PDE4D: variants seen among roughly 807,000 people sequenced by gnomAD.
The protein encoded by PDE4D is phosphodiesterase 4D.
PDE4D carries 24 observed loss-of-function variants against 87.4 expected under a neutral mutation model. The ratio of observed to expected loss-of-function variants is 0.27; its 90% confidence interval spans 0.20 to 0.39. PDE4D has a LOEUF of 0.39. Ranked by LOEUF, PDE4D falls within the 10% of genes least tolerant of loss-of-function variation. The pLI is 1.00. For synonymous variants in PDE4D, 384 were observed against 383.2 expected (o/e 1.00, Z -0.02); for missense variants, 714 against 1,041.0 (o/e 0.69, Z 4.32).
intron 1 of PDE4D, among the ~76,000 whole-genome samples, chr5:59,498,291 A>G (rs1373278911): frequency 1.3e-5 from 2 of 151,284 alleles, no homozygotes; most frequent in African/African-American, 2.4e-5. Flanking sequence ...CAACCAGATA[A>G]TAACACTATG....
At chr5:59,455,276 A>G (rs974426089) in intron 1 of PDE4D, among the ~76,000 whole-genome samples, 1 of 152,174 alleles carries the variant, frequency 6.6e-6, no homozygotes, top group Non-Finnish European at 1.5e-5. Flanking sequence ...GCCCAGGGTC[A>G]CCATGCTGTG....
intron 6 of PDE4D, among the ~76,000 whole-genome samples, chr5:59,036,338 A>C (rs1361985765): frequency 6.6e-6 from 1 of 152,238 alleles, no homozygotes; most frequent in Non-Finnish European, 1.5e-5. Flanking sequence ...AGGCTAAAGG[A>C]GAATAAACTG....
chr5:59,657,020 T>G (rs1387399120), intron 1 of PDE4D, among the ~76,000 whole-genome samples: 1 of 152,124 alleles, frequency 6.6e-6, no homozygotes, highest in African/African-American at 2.4e-5. Context: ...ATACACCACA[T>G]AAAATATGAG....
At chr5:59,161,162 G>A (rs1781042444) in intron 5 of PDE4D, among the ~76,000 whole-genome samples, 1 of 149,594 alleles carries the variant, frequency 6.7e-6, no homozygotes, top group African/African-American at 2.5e-5. Context: ...ATCTGAGACA[G>A]GTCTCAATCA....
intron 1 of PDE4D, among the ~76,000 whole-genome samples, chr5:59,257,213 T>G (rs1182656732): frequency 6.6e-6 from 1 of 152,024 alleles, no homozygotes; most frequent in Non-Finnish European, 1.5e-5. Flanking sequence ...ATGAGGAAAA[T>G]GATCGTGGCA....
intron 1 of PDE4D, among the ~76,000 whole-genome samples, chr5:60,419,317 A>G (rs1270038757): frequency 6.6e-6 from 1 of 152,174 alleles, no homozygotes; most frequent in Non-Finnish European, 1.5e-5. Flanking sequence ...AATTCTTTAT[A>G]TATTAATATG....
At chr5:59,794,429 G>A (rs1050305294) in intron 1 of PDE4D, among the ~76,000 whole-genome samples, 11 of 152,116 alleles carry the variant, frequency 7.2e-5, no homozygotes, top group Admixed American at 5.2e-4. Flanking sequence ...CTGGCACAGT[G>A]AGGCACGACA....
At chr5:60,223,075 T>G (rs1490354278) in intron 1 of PDE4D, among the ~76,000 whole-genome samples, 1 of 152,118 alleles carries the variant, frequency 6.6e-6, no homozygotes, top group East Asian at 1.9e-4. Flanking sequence ...GGATCCTTCT[T>G]GTTAAGTGTG....
chr5:60,504,382 T>A (rs547782641), intron 1 of PDE4D, among the ~76,000 whole-genome samples: 1 of 152,140 alleles, frequency 6.6e-6, no homozygotes, highest in Admixed American at 6.6e-5. Flanking sequence ...GCATGACATG[T>A]GAAAGGCAAC....
chr5:59,484,083 C>A (rs1476930711), intron 1 of PDE4D, among the ~76,000 whole-genome samples: 1 of 152,140 alleles, frequency 6.6e-6, no homozygotes, highest in Non-Finnish European at 1.5e-5. Flanking sequence ...AGGGCTGACT[C>A]CCAGCTCCTC....
intron 1 of PDE4D, among the ~76,000 whole-genome samples, chr5:59,845,151 T>G (rs978091265): frequency 1.3e-5 from 2 of 152,090 alleles, no homozygotes; most frequent in South Asian, 2.1e-4. Context: ...AAACACCTGA[T>G]GTCAGCCTCT....
At chr5:60,265,075 T>C (rs144014607) in intron 1 of PDE4D, among the ~76,000 whole-genome samples, 1 of 152,318 alleles carries the variant, frequency 6.6e-6, no homozygotes, top group Non-Finnish European at 1.5e-5. Context: ...AAAAGCTGAA[T>C]GCAGTGTCTT....
intron 1 of PDE4D, among the ~76,000 whole-genome samples, chr5:60,305,026 A>C (rs1428895937): frequency 7.0e-6 from 1 of 143,738 alleles, no homozygotes; most frequent in Admixed American, 7.0e-5. Context: ...TAGTTATTTT[A>C]GTTTTGAGCT....
At chr5:59,360,899 G>A (rs1782103498) in intron 1 of PDE4D, among the ~76,000 whole-genome samples, 1 of 152,028 alleles carries the variant, frequency 6.6e-6, no homozygotes, top group Non-Finnish European at 1.5e-5. Flanking sequence ...TATGACCCAG[G>A]ACACAAACAG....
Position 59,630,914 on chromosome 5 carries a change from G to A in PDE4D, c.455+262254C>T, listed in dbSNP as rs1482770682. The stretch of plus-strand genomic sequence containing the variant: ...GGCTGAGTCACTTAATATTCCTGAC[G>A]CTCGGTTTTTTTTCCCTAGAAAATG... On this transcript the variant is annotated intron_variant, in intron 1 of 14. Coordinates refer to ENST00000340635, the MANE Select transcript of PDE4D (RefSeq NM_001104631.2). 3.9e-5 allele frequency among the ~76,000 whole-genome samples: 6 copies of A among 151,928 alleles called. No homozygotes were observed. The East Asian group carries it at 5.8e-4, about 15-fold the overall frequency.
chr5:59,897,220 CA>C (rs1445629656), upstream of PDE4D, among the ~76,000 whole-genome samples: 1 of 152,176 alleles, frequency 6.6e-6, no homozygotes, highest in African/African-American at 2.4e-5. Context: ...CCCTTTTCTG[CA>C]AATGCATTTC....
intron 1 of PDE4D, among the ~76,000 whole-genome samples, chr5:59,426,411 T>C (rs1795213199): frequency 6.6e-6 from 1 of 152,170 alleles, no homozygotes; most frequent in Admixed American, 6.5e-5. Flanking sequence ...CCTTCCTGTC[T>C]TCTGGATCTT....
At chr5:59,144,902 G>T (rs1205224500) in intron 5 of PDE4D, among the ~76,000 whole-genome samples, 2 of 136,292 alleles carry the variant, frequency 1.5e-5, no homozygotes, top group East Asian at 2.6e-4. Context: ...GGGGGGGGGG[G>T]GGGAACCATC....
intron 11 of PDE4D, among the ~76,000 whole-genome samples, chr5:58,985,146 C>T (rs753482748): frequency 6.6e-6 from 1 of 152,070 alleles, no homozygotes; most frequent in Admixed American, 6.5e-5. Flanking sequence ...GAACTCCTGA[C>T]GTCAGTGATT....
Sources: gnomAD v4.1 joint callset for allele counts (sites outside exome capture counted in the v4.1 genomes callset) on GRCh38, gnomAD v4.1.1 for gene constraint, MANE v1.5 for transcripts, NCBI Gene and HGNC (gene_info 2026-07-23, HGNC 2026-07-21) for gene names.